PAX5: variants seen among roughly 807,000 people sequenced by gnomAD.
PAX5 encodes paired box protein Pax-5.
In PAX5, 9 loss-of-function variants were observed where a neutral mutation model predicts 43.7. The ratio of observed to expected loss-of-function variants is 0.21; its 90% CI spans 0.12 to 0.36. The LOEUF is 0.36. Ranked by LOEUF, PAX5 falls within the 10% of genes least tolerant of loss-of-function variation. PAX5 has a pLI of 1.00. For synonymous variants in PAX5, 228 were observed against 214.3 expected, an observed-to-expected ratio of 1.06 and a Z score of -0.56; for missense variants, 383 against 532.7, an observed-to-expected ratio of 0.72 and a Z score of 2.77.
chr9:36,894,911 T>A (rs1827716441), intron 7 of PAX5, among the ~76,000 whole-genome samples: 1 of 152,220 alleles, frequency 6.6e-6, no homozygotes, highest in South Asian at 2.1e-4. Context: ...AAATCCCAGC[T>A]CTGCCACTTA....
chr9:36,860,362 G>A (rs1330549987), intron 8 of PAX5, among the ~76,000 whole-genome samples: 2 of 151,742 alleles, frequency 1.3e-5, no homozygotes, highest in African/African-American at 4.9e-5. Flanking sequence ...CATCTGGGAA[G>A]CTTTAAAAAT....
chr9:36,881,626 G>T (rs12553613), intron 8 of PAX5, among the ~76,000 whole-genome samples: 1 of 151,452 alleles, frequency 6.6e-6, no homozygotes, highest in Non-Finnish European at 1.5e-5. Flanking sequence ...CTGCTTGTTC[G>T]TGTCACACGA....
chr9:36,946,093 A>C (rs1360799211), intron 6 of PAX5, among the ~76,000 whole-genome samples: 2 of 151,870 alleles, frequency 1.3e-5, no homozygotes, highest in African/African-American at 4.8e-5. Flanking sequence ...CTCCGTCAGG[A>C]TGCAGTGCTC....
At chr9:36,999,767 C>T (rs114735409) in intron 5 of PAX5, among the ~76,000 whole-genome samples, 157 of 152,316 alleles carry the variant, frequency 1.0e-3, no homozygotes, top group African/African-American at 3.7e-3. Flanking sequence ...GGCCAGTGTG[C>T]CTGAAATATC....
intron 8 of PAX5, among the ~76,000 whole-genome samples, chr9:36,864,509 C>T (rs1055612944): frequency 4.6e-5 from 7 of 152,226 alleles, no homozygotes; most frequent in African/African-American, 7.2e-5. Flanking sequence ...CTCATGGGGC[C>T]ACTGTCAGAA....
intron 8 of PAX5, among the ~76,000 whole-genome samples, chr9:36,876,240 G>A (rs1239395179): frequency 6.6e-6 from 1 of 152,184 alleles, no homozygotes; most frequent in Non-Finnish European, 1.5e-5. Context: ...ACTCCACACT[G>A]CACCCTCACC....
intron 8 of PAX5, among the ~76,000 whole-genome samples, chr9:36,872,043 C>T (rs1053886811): frequency 5.3e-5 from 8 of 152,220 alleles, no homozygotes; most frequent in African/African-American, 1.4e-4. Flanking sequence ...GTGATCTTTA[C>T]TACCTCTCTC....
intron 6 of PAX5, among the ~76,000 whole-genome samples, chr9:36,954,204 T>TCA (rs1833253274): frequency 6.6e-6 from 1 of 152,212 alleles, no homozygotes; most frequent in Non-Finnish European, 1.5e-5. Flanking sequence ...CATGAAGTAA[T>TCA]TGGACTAAAG....
chr9:36,857,667 C>A (rs1823805681), intron 8 of PAX5, among the ~76,000 whole-genome samples: 1 of 152,186 alleles, frequency 6.6e-6, no homozygotes, highest in African/African-American at 2.4e-5. Flanking sequence ...CACCTGCCAG[C>A]CCAGGCTGCA....
chr9:37,033,341 T>C (rs1841177031), intron 1 of PAX5, among the ~76,000 whole-genome samples: 1 of 152,202 alleles, frequency 6.6e-6, no homozygotes, highest in Non-Finnish European at 1.5e-5. Flanking sequence ...AGAGACACAA[T>C]GTGAACATTG....
chr9:36,981,833 G>T (rs1024285188), intron 5 of PAX5, among the ~76,000 whole-genome samples: 2 of 152,272 alleles, frequency 1.3e-5, no homozygotes, highest in Non-Finnish European at 2.9e-5. Flanking sequence ...AATAAATCAT[G>T]CCAGGCCTAC....
intron 8 of PAX5, among the ~76,000 whole-genome samples, chr9:36,867,902 T>A (rs945931874): frequency 6.6e-6 from 1 of 152,192 alleles, no homozygotes; most frequent in East Asian, 1.9e-4. Context: ...AGGGAGGACA[T>A]CTGGGCTTCG....
At chr9:37,025,590 C>T (rs776124340) in intron 1 of PAX5, among the ~76,000 whole-genome samples, 2 of 152,220 alleles carry the variant, frequency 1.3e-5, no homozygotes, top group Non-Finnish European at 2.9e-5. Flanking sequence ...AAACGCGATT[C>T]GTTCCACTTG....
chr9:36,988,247 T>G (rs984471149), intron 5 of PAX5, among the ~76,000 whole-genome samples: 1 of 152,172 alleles, frequency 6.6e-6, no homozygotes, highest in African/African-American at 2.4e-5. Context: ...CAGCTACGAC[T>G]TGAATTATTT....
rs1240759258 is a variant in PAX5 at position 36,833,559 on chromosome 9, T to G, written c.*7001A>C. 1 of 232,666 alleles carries G rather than the reference T, an allele frequency of 4.3e-6. No individual in the cohort carries two copies. Among genetic ancestry groups the G allele is most frequent in the Non-Finnish European group, 8.5e-6 (1 of 117,914 alleles). 14.4% of individuals were successfully genotyped at this position (232,666 alleles called of 1,614,324 possible). A position where few individuals can be genotyped will look rare whatever the true frequency, so the allele number is the denominator to read the frequency against. ...AAAAATTAAACCAAAACCCCACCCCTGTTTTCTCCCAAGTCCCACCCCTAG... is the reference window on the plus strand; with the variant it reads ...AAAAATTAAACCAAAACCCCACCCCGGTTTTCTCCCAAGTCCCACCCCTAG... On this transcript the variant is annotated 3_prime_UTR_variant, in exon 10 of 10. Coordinates refer to ENST00000358127, the MANE Select transcript of PAX5 (RefSeq NM_016734.3).
chr9:36,970,648 G>A (rs574946932), intron 5 of PAX5, among the ~76,000 whole-genome samples: 1 of 152,256 alleles, frequency 6.6e-6, no homozygotes, highest in Non-Finnish European at 1.5e-5. Context: ...GTTTGAAGGT[G>A]GATCTGCTGA....
At chr9:36,941,467 C>A (rs958725867) in intron 6 of PAX5, among the ~76,000 whole-genome samples, 1 of 152,186 alleles carries the variant, frequency 6.6e-6, no homozygotes, top group Non-Finnish European at 1.5e-5. Flanking sequence ...CCATGCATCA[C>A]CCAGTATGCC....
intron 8 of PAX5, among the ~76,000 whole-genome samples, chr9:36,865,908 G>A (rs1457631038): frequency 2.6e-5 from 4 of 152,254 alleles, no homozygotes; most frequent in Admixed American, 6.5e-5. Context: ...CACAAAGGAC[G>A]GCTCAGTGGT....
intron 6 of PAX5, among the ~76,000 whole-genome samples, chr9:36,926,754 G>T (rs948904156): frequency 1.3e-5 from 2 of 152,174 alleles, no homozygotes; most frequent in Non-Finnish European, 2.9e-5. Context: ...CTAGTGAATG[G>T]TGGGCGTGCA....
Sources: gnomAD v4.1 joint callset for allele counts (sites outside exome capture counted in the v4.1 genomes callset) on GRCh38, gnomAD v4.1.1 for gene constraint, MANE v1.5 for transcripts, NCBI Gene and HGNC (gene_info 2026-07-23, HGNC 2026-07-21) for gene names.